The following SOX5 variants were observed in gnomAD, a reference collection of about 807,000 sequenced individuals.
SOX5 encodes transcription factor SOX-5.
Under a neutral mutation model 92.0 loss-of-function variants are expected in SOX5, and 9 were observed. The ratio of observed to expected loss-of-function variants is 0.10; its 90% CI spans 0.06 to 0.17. SOX5 has a LOEUF of 0.17. Among genes scored for constraint, SOX5 ranks in the 10% least tolerant of loss-of-function variants. The pLI is 1.00. For missense variants in SOX5, 642 were observed against 944.5 expected (o/e 0.68, Z 4.20); for synonymous variants, 344 against 336.3 (o/e 1.02, Z -0.25).
chr12:23,586,582 G>A (rs922915037), intron 9 of SOX5, among the ~76,000 whole-genome samples: 2 of 150,350 alleles, frequency 1.3e-5, no homozygotes, highest in Non-Finnish European at 3.0e-5. Flanking sequence ...GATATTAGGT[G>A]TTTAAATTTT....
chr12:24,264,926 G>C (rs1021971894), intron 3 of SOX5, among the ~76,000 whole-genome samples: 4 of 152,156 alleles, frequency 2.6e-5, no homozygotes, highest in Admixed American at 2.0e-4. Context: ...CTCAGTGACA[G>C]GGAGACCCAG....
intron 4 of SOX5, among the ~76,000 whole-genome samples, chr12:23,747,623 A>C (rs2094032658): frequency 6.6e-6 from 1 of 151,838 alleles, no homozygotes; most frequent in Non-Finnish European, 1.5e-5. Context: ...CCCTCAGAAG[A>C]CTCTTCGCCC....
At chr12:24,511,431 A>G (rs1356776965) in intron 1 of SOX5, among the ~76,000 whole-genome samples, 1 of 152,168 alleles carries the variant, frequency 6.6e-6, no homozygotes, top group Non-Finnish European at 1.5e-5. Flanking sequence ...ATGATCAAGA[A>G]CTGTCCATAA....
At chr12:24,095,120 C>CAGAGAGAGAGAGAGAGAGAG (rs1442826677) in intron 4 of SOX5, among the ~76,000 whole-genome samples, 2 of 102,072 alleles carry the variant, frequency 2.0e-5, no homozygotes, top group Non-Finnish European at 2.1e-5. Flanking sequence ...CACACACACA[C>CAGAGAGAGAGAGAGAGAGAG]ACACACACAG....
intron 2 of SOX5, among the ~76,000 whole-genome samples, chr12:24,305,887 G>T (rs371572418): frequency 6.6e-6 from 1 of 152,126 alleles, no homozygotes; most frequent in Non-Finnish European, 1.5e-5. Flanking sequence ...GTGAGCCACC[G>T]CGCCCAGCCG....
intron 4 of SOX5, among the ~76,000 whole-genome samples, chr12:24,110,695 C>T (rs986868157): frequency 6.6e-6 from 1 of 151,638 alleles, no homozygotes. Context: ...ACCATCCTGG[C>T]TAACATGGTG....
intron 1 of SOX5, among the ~76,000 whole-genome samples, chr12:24,468,889 T>G (rs1335748955): frequency 9.9e-5 from 15 of 152,192 alleles, no homozygotes; most frequent in Non-Finnish European, 2.2e-4. Flanking sequence ...ACCAGCAGTA[T>G]CCAACCTTTT....
chr12:24,531,289 A>G (rs547453562), intron 1 of SOX5, among the ~76,000 whole-genome samples: 42 of 152,328 alleles, frequency 2.8e-4, no homozygotes, highest in South Asian at 1.2e-3. Flanking sequence ...ACTTAATATG[A>G]GACACAAAAA....
intron 5 of SOX5, among the ~76,000 whole-genome samples, chr12:23,735,114 G>A (rs1057367012): frequency 1.3e-5 from 2 of 152,134 alleles, no homozygotes; most frequent in Non-Finnish European, 2.9e-5. Flanking sequence ...AAATGGAGAA[G>A]GGGAGGTTTA....
At chr12:24,414,939 G>A (rs971745833) in intron 1 of SOX5, among the ~76,000 whole-genome samples, 7 of 152,012 alleles carry the variant, frequency 4.6e-5, no homozygotes, top group Admixed American at 3.3e-4. Context: ...CAGTGATCTC[G>A]GAGGCATTTC....
intron 9 of SOX5, among the ~76,000 whole-genome samples, chr12:23,583,435 G>C (rs976355909): frequency 6.6e-6 from 1 of 152,052 alleles, no homozygotes; most frequent in African/African-American, 2.4e-5. Context: ...AGAATGCGAG[G>C]AATACTCGTG....
intron 4 of SOX5, among the ~76,000 whole-genome samples, chr12:24,115,516 T>C (rs1947895966): frequency 6.6e-6 from 1 of 152,140 alleles, no homozygotes; most frequent in Non-Finnish European, 1.5e-5. Context: ...CAAAGGAGAC[T>C]CCAGAAATGG....
chr12:24,471,881 A>T (rs969340161), intron 1 of SOX5, among the ~76,000 whole-genome samples: 2 of 152,160 alleles, frequency 1.3e-5, no homozygotes, highest in African/African-American at 4.8e-5. Flanking sequence ...ACTCTGATGC[A>T]TTCAGAGCCT....
At chr12:23,990,787 A>G (rs1950486811) in intron 4 of SOX5, among the ~76,000 whole-genome samples, 1 of 152,172 alleles carries the variant, frequency 6.6e-6, no homozygotes, top group South Asian at 2.1e-4. Context: ...GCACCTACCC[A>G]TGCCTAGAAC....
At chr12:23,807,329 G>C (rs2095797930) in intron 3 of SOX5, among the ~76,000 whole-genome samples, 3 of 152,136 alleles carry the variant, frequency 2.0e-5, no homozygotes, top group Admixed American at 2.0e-4. Context: ...TAAGGTCTTT[G>C]CAGATTTAGT....
intron 4 of SOX5, among the ~76,000 whole-genome samples, chr12:24,130,722 G>A (rs1390927794): frequency 6.6e-6 from 1 of 152,132 alleles, no homozygotes; most frequent in Admixed American, 6.5e-5. Context: ...AGCTGACCAT[G>A]GCTGTCTCTT....
intron 2 of SOX5, among the ~76,000 whole-genome samples, chr12:24,304,646 C>T (rs1441909709): frequency 6.6e-6 from 1 of 152,122 alleles, no homozygotes; most frequent in Non-Finnish European, 1.5e-5. Context: ...GCTCAAATCA[C>T]TCTCCTGACC....
intron 4 of SOX5, among the ~76,000 whole-genome samples, chr12:24,040,824 G>C (rs1956447522): frequency 6.6e-6 from 1 of 152,080 alleles, no homozygotes; most frequent in South Asian, 2.1e-4. Flanking sequence ...AGTGAGCCGA[G>C]ATTGCACCAC....
chr12:24,261,639 G>C (rs1337585335), intron 3 of SOX5, among the ~76,000 whole-genome samples: 1 of 152,156 alleles, frequency 6.6e-6, no homozygotes, highest in Non-Finnish European at 1.5e-5. Flanking sequence ...TTAGCAGGTG[G>C]AATTTAATGA....
Sources: gnomAD v4.1 joint callset for allele counts (sites outside exome capture counted in the v4.1 genomes callset) on GRCh38, gnomAD v4.1.1 for gene constraint, MANE v1.5 for transcripts, NCBI Gene and HGNC (gene_info 2026-07-23, HGNC 2026-07-21) for gene names.